Variants in CCDC85A observed in about 807,000 individuals in gnomAD.
CCDC85A encodes coiled-coil domain-containing protein 85A.
In CCDC85A, 38 loss-of-function variants were observed where a neutral mutation model predicts 50.2. That is an observed-to-expected ratio of 0.76 (90% CI 0.58 to 0.99). The LOEUF (loss-of-function observed/expected upper bound fraction) is 0.99, where lower values mean the gene tolerates loss of function less well. Among genes scored for constraint, CCDC85A ranks in the 50% least tolerant of loss-of-function variants. The pLI is 0.00. For missense variants in CCDC85A, 820 were observed against 742.0 expected, an observed-to-expected ratio of 1.11 and a Z score of -1.22; for synonymous variants, 366 against 301.4, an observed-to-expected ratio of 1.21 and a Z score of -2.22.
In CCDC85A at chr2:56,257,085, C is replaced by A. The variant is rs544822049; in HGVS notation, c.1240+63645C>A. 2.6e-5 allele frequency among the ~76,000 whole-genome samples: 4 copies of A among 152,264 alleles called. No individual in the cohort carries two copies. The East Asian group carries it at 7.7e-4, about 29-fold the overall frequency. ...TCTCCATGGCTCAGTGTATGATAGA[C>A]CTCAGTTTGCTTTTATTCAGTTTGT... On this transcript the variant is annotated intron_variant, in intron 2 of 5. Coordinates refer to ENST00000407595, the MANE Select transcript of CCDC85A (RefSeq NM_001080433.2).
At chr2:56,378,048 A>G (rs1391071042) in intron 5 of CCDC85A, among the ~76,000 whole-genome samples, 1 of 152,172 alleles carries the variant, frequency 6.6e-6, no homozygotes, top group Non-Finnish European at 1.5e-5. Context: ...TTTTACTTCC[A>G]TGAGTTAACT....
At chr2:56,256,643 C>T (rs1321263121) in intron 2 of CCDC85A, among the ~76,000 whole-genome samples, 1 of 152,210 alleles carries the variant, frequency 6.6e-6, no homozygotes. Flanking sequence ...TTTTTATCCT[C>T]ATTTAGGAGC....
intron 4 of CCDC85A, among the ~76,000 whole-genome samples, chr2:56,375,035 C>G (rs1676266083): frequency 3.3e-5 from 5 of 152,162 alleles, no homozygotes. Context: ...TCCCATGTGA[C>G]TGCTTTTTCT....
intron 3 of CCDC85A, among the ~76,000 whole-genome samples, chr2:56,360,708 C>A (rs1026262469): frequency 3.3e-5 from 5 of 152,116 alleles, no homozygotes; most frequent in African/African-American, 1.2e-4. Flanking sequence ...AAGCAAGAAG[C>A]TTTAGTTTGT....
intron 2 of CCDC85A, among the ~76,000 whole-genome samples, chr2:56,257,818 A>G (rs1670050294): frequency 6.6e-6 from 1 of 152,212 alleles, no homozygotes; most frequent in Non-Finnish European, 1.5e-5. Context: ...GCCCTCTCTG[A>G]ACCTGACATG....
intron 2 of CCDC85A, among the ~76,000 whole-genome samples, chr2:56,264,874 C>A (rs1670370840): frequency 2.0e-5 from 3 of 152,192 alleles, no homozygotes; most frequent in Non-Finnish European, 4.4e-5. Context: ...TAGGCCCTTG[C>A]ATGTGCTTTT....
At chr2:56,240,714 C>T (rs898744173) in intron 2 of CCDC85A, among the ~76,000 whole-genome samples, 1 of 152,060 alleles carries the variant, frequency 6.6e-6, no homozygotes, top group African/African-American at 2.4e-5. Context: ...TCACTGATGT[C>T]GCTGTCAGTA....
At chr2:56,201,716 A>G (rs1676755200) in intron 2 of CCDC85A, among the ~76,000 whole-genome samples, 1 of 152,206 alleles carries the variant, frequency 6.6e-6, no homozygotes, top group African/African-American at 2.4e-5. Flanking sequence ...ATATGCATAT[A>G]TTGATGCATA....
At chr2:56,238,512 A>G (rs957356050) in intron 2 of CCDC85A, among the ~76,000 whole-genome samples, 5 of 151,798 alleles carry the variant, frequency 3.3e-5, no homozygotes, top group Non-Finnish European at 7.4e-5. Flanking sequence ...TTTATTATCT[A>G]TGACTTATTC....
At chr2:56,213,031 C>T (rs2216325) in intron 2 of CCDC85A, among the ~76,000 whole-genome samples, 57,948 of 151,780 alleles carry the variant, frequency 0.38, 11,215 homozygotes, top group Non-Finnish European at 0.39. Flanking sequence ...TATTTTTGCA[C>T]TGAAATCTCA....
intron 2 of CCDC85A, among the ~76,000 whole-genome samples, chr2:56,335,263 C>G (rs943550300): frequency 2.0e-5 from 3 of 152,054 alleles, no homozygotes; most frequent in Non-Finnish European, 4.4e-5. Context: ...ACAGTTCTGA[C>G]GTAATTTCCT....
rs867171022 is a variant in CCDC85A, at chr2:56,297,424, G to A, written c.1241-45455G>A. ...TTTTTTTTTTAATTGTGTGACCTTT[G>A]TGTGAAATAACTATATATTTTTTCT... On this transcript the variant is annotated intron_variant, in intron 2 of 5. Transcript: ENST00000407595. Among the ~76,000 whole-genome samples, 34 of 144,048 alleles carry A rather than the reference G, an allele frequency of 2.4e-4. No homozygotes were observed. The Middle Eastern group carries it at 0.011, about 45-fold the overall frequency. 94.5% of individuals were successfully genotyped at this position (144,048 alleles called of 152,430 possible).
At chr2:56,357,498 C>T (rs1231666395) in intron 3 of CCDC85A, among the ~76,000 whole-genome samples, 2 of 152,024 alleles carry the variant, frequency 1.3e-5, no homozygotes, top group Non-Finnish European at 2.9e-5. Flanking sequence ...ACTTTTATTG[C>T]CTTATTAAAC....
chr2:56,294,772 A>G (rs993113495), intron 2 of CCDC85A, among the ~76,000 whole-genome samples: 3 of 152,256 alleles, frequency 2.0e-5, no homozygotes, highest in African/African-American at 7.2e-5. Flanking sequence ...GAGAACTGCC[A>G]GAAAATATCA....
At chr2:56,297,539 C>G (rs535523247) in intron 2 of CCDC85A, among the ~76,000 whole-genome samples, 2 of 152,064 alleles carry the variant, frequency 1.3e-5, no homozygotes, top group African/African-American at 4.8e-5. Flanking sequence ...CAAGAGTTAA[C>G]TGACTGAATG....
At chr2:56,344,811 A>G (rs1319470202) in intron 3 of CCDC85A, among the ~76,000 whole-genome samples, 1 of 152,132 alleles carries the variant, frequency 6.6e-6, no homozygotes, top group African/African-American at 2.4e-5. Flanking sequence ...CTCTCAGGCG[A>G]CTGGGAATGT....
intron 3 of CCDC85A, among the ~76,000 whole-genome samples, chr2:56,359,691 C>T (rs1366497877): frequency 6.6e-6 from 1 of 152,166 alleles, no homozygotes; most frequent in African/African-American, 2.4e-5. Context: ...TCCCTTTTCT[C>T]AAGTGAGGGC....
intron 2 of CCDC85A, among the ~76,000 whole-genome samples, chr2:56,326,029 G>T (rs1368704392): frequency 6.6e-6 from 1 of 152,122 alleles, no homozygotes; most frequent in Admixed American, 6.6e-5. Flanking sequence ...AAGGAAGAGG[G>T]TTTAAATCAA....
chr2:56,295,739 C>T (rs1007822528), intron 2 of CCDC85A, among the ~76,000 whole-genome samples: 1 of 152,130 alleles, frequency 6.6e-6, no homozygotes, highest in Non-Finnish European at 1.5e-5. Flanking sequence ...GCATCATTAT[C>T]TAGTGTCAGG....
Sources: allele counts gnomAD v4.1 joint callset (sites outside exome capture counted in the v4.1 genomes callset), GRCh38; gene constraint gnomAD v4.1.1; transcripts MANE v1.5; gene names NCBI Gene and HGNC (gene_info 2026-07-23, HGNC 2026-07-21).